Variants in PACRG observed in about 807,000 individuals in gnomAD.
PACRG encodes the protein parkin coregulated, also known as parkin coregulated gene protein.
A neutral mutation model predicts 29.7 loss-of-function variants in PACRG; 29 were observed. That is an observed-to-expected ratio of 0.98 (90% CI 0.73 to 1.33). PACRG has a LOEUF of 1.33. Among genes scored for constraint, PACRG ranks in the 40% most tolerant of loss-of-function variants. The probability of loss-of-function intolerance (pLI) is 0.00; values close to 1 mark genes in which losing one functional copy is unlikely to be tolerated. For missense variants in PACRG, 279 were observed against 316.2 expected, an observed-to-expected ratio of 0.88 and a Z score of 0.89; for synonymous variants, 116 against 118.7, an observed-to-expected ratio of 0.98 and a Z score of 0.15.
intron 2 of PACRG, among the ~76,000 whole-genome samples, chr6:162,897,346 C>G (rs2128051412): frequency 6.6e-6 from 1 of 152,212 alleles, no homozygotes; most frequent in African/African-American, 2.4e-5. Flanking sequence ...GTTTCGTATT[C>G]TTTTTTCAAA....
At chr6:163,002,572 T>C (rs1804686838) in intron 2 of PACRG, among the ~76,000 whole-genome samples, 3 of 152,336 alleles carry the variant, frequency 2.0e-5, no homozygotes, top group African/African-American at 7.2e-5. Context: ...GATCATGATA[T>C]ACACCCAAAA....
intron 2 of PACRG, among the ~76,000 whole-genome samples, chr6:162,989,495 C>T (rs1803223023): frequency 6.6e-6 from 1 of 152,142 alleles, no homozygotes; most frequent in African/African-American, 2.4e-5. Flanking sequence ...ACACATCCTC[C>T]TGTATACTTT....
intron 4 of PACRG, among the ~76,000 whole-genome samples, chr6:163,121,156 A>G (rs562081082): frequency 1.3e-5 from 2 of 152,296 alleles, no homozygotes; most frequent in South Asian, 2.1e-4. Context: ...CACATATTTA[A>G]CCTCATCAAA....
At chr6:163,010,320 G>A (rs766008378) in intron 2 of PACRG, among the ~76,000 whole-genome samples, 1 of 152,088 alleles carries the variant, frequency 6.6e-6, no homozygotes, top group Admixed American at 6.5e-5. Context: ...ATTTTGTATC[G>A]CATTCCCTCA....
chr6:162,727,348 G>T, upstream of PACRG: 1 of 423,308 alleles, frequency 2.4e-6, no homozygotes, highest in Non-Finnish European at 4.2e-6. Flanking sequence ...AAGGCTTCGG[G>T]ACCCCACACG....
chr6:162,900,948 C>T (rs1795518595), intron 2 of PACRG, among the ~76,000 whole-genome samples: 1 of 152,180 alleles, frequency 6.6e-6, no homozygotes, highest in African/African-American at 2.4e-5. Flanking sequence ...GACTAGAATT[C>T]TTCAACTACG....
chr6:162,895,165 G>C (rs575523225), intron 2 of PACRG, among the ~76,000 whole-genome samples: 4 of 150,412 alleles, frequency 2.7e-5, no homozygotes, highest in Non-Finnish European at 5.9e-5. Context: ...AGCTACTCTG[G>C]AGGCTGAGAA....
intron 1 of PACRG, among the ~76,000 whole-genome samples, chr6:162,788,610 C>CA (rs1784698353): frequency 6.6e-6 from 1 of 152,178 alleles, no homozygotes; most frequent in African/African-American, 2.4e-5. Context: ...GTGATGGCAC[C>CA]ATTTGTCATT....
At chr6:163,137,955 A>G (rs950170255) in intron 4 of PACRG, among the ~76,000 whole-genome samples, 1 of 152,186 alleles carries the variant, frequency 6.6e-6, no homozygotes, top group South Asian at 2.1e-4. Context: ...ACCGTTTTAC[A>G]GGTGAGGAAG....
chr6:163,302,207 C>T lies in PACRG; in HGVS notation c.614-12620C>T, dbSNP rs183248527. On this transcript the variant is annotated intron_variant, in intron 4 of 4. Coordinates refer to ENST00000366888, the MANE Select transcript of PACRG (RefSeq NM_001080379.2). ...TGGCCACATTCAAAACTTCCCCCCA[C>T]AGTTTAGATACTGTTCTCTCTCTCT... 3.7e-4 allele frequency among the ~76,000 whole-genome samples: 56 copies of T among 152,226 alleles called. No individual in the cohort carries two copies. In the East Asian group the frequency reaches 0.01, roughly 28 times the overall value.
At chr6:163,175,461 TC>T (rs201312395) in intron 4 of PACRG, among the ~76,000 whole-genome samples, 18 of 151,106 alleles carry the variant, frequency 1.2e-4, no homozygotes, top group African/African-American at 4.1e-4. Flanking sequence ...AGGACATCAC[TC>T]CCCCCCAGCC....
chr6:162,824,737 G>A (rs1272932597), intron 2 of PACRG, among the ~76,000 whole-genome samples: 1 of 152,174 alleles, frequency 6.6e-6, no homozygotes, highest in African/African-American at 2.4e-5. Context: ...GAAAGACATG[G>A]TGCTGAGCTC....
At chr6:162,895,238 C>T (rs1481120171) in intron 2 of PACRG, among the ~76,000 whole-genome samples, 1 of 141,416 alleles carries the variant, frequency 7.1e-6, no homozygotes, top group Non-Finnish European at 1.5e-5. Context: ...CCACCGCACT[C>T]CAGTCTGGGT....
intron 4 of PACRG, chr6:163,184,956 T>G (rs1364919414): frequency 1.3e-5 from 2 of 152,076 alleles, no homozygotes; most frequent in Non-Finnish European, 2.9e-5. Context: ...CAGTAGAAAT[T>G]AGGCCAGATC....
intron 2 of PACRG, among the ~76,000 whole-genome samples, chr6:162,944,157 A>G (rs139485802): frequency 2.0e-5 from 3 of 152,302 alleles, no homozygotes; most frequent in Admixed American, 6.5e-5. Context: ...AAACTTCACC[A>G]TAGCTTCTAG....
chr6:163,091,977 A>G (rs1814149043), intron 4 of PACRG, among the ~76,000 whole-genome samples: 1 of 152,226 alleles, frequency 6.6e-6, no homozygotes, highest in African/African-American at 2.4e-5. Context: ...TTTGAGAACA[A>G]TTGCACATTT....
At chr6:162,995,790 A>G (rs904758401) in intron 2 of PACRG, among the ~76,000 whole-genome samples, 1 of 152,230 alleles carries the variant, frequency 6.6e-6, no homozygotes, top group South Asian at 2.1e-4. Context: ...AAGCCTGAGT[A>G]ATATCCTGTT....
chr6:162,855,984 GCCTT>G (rs1791355793), intron 2 of PACRG, among the ~76,000 whole-genome samples: 1 of 152,132 alleles, frequency 6.6e-6, no homozygotes, highest in South Asian at 2.1e-4. Flanking sequence ...CGGACTTTAT[GCCTT>G]CCTTGACCGG....
intron 2 of PACRG, among the ~76,000 whole-genome samples, chr6:162,989,993 G>GT (rs1803294196): frequency 6.6e-6 from 1 of 150,596 alleles, no homozygotes; most frequent in Non-Finnish European, 1.5e-5. Flanking sequence ...GCGGTGTTTG[G>GT]TTTTTTGTTC....
Sources: gnomAD v4.1 joint callset for allele counts (sites outside exome capture counted in the v4.1 genomes callset) on GRCh38, gnomAD v4.1.1 for gene constraint, MANE v1.5 for transcripts, NCBI Gene and HGNC (gene_info 2026-07-23, HGNC 2026-07-21) for gene names.